The following SSH1 variants were observed in gnomAD, a reference collection of about 807,000 sequenced individuals.
SSH1 encodes the protein slingshot protein phosphatase 1, also known as protein phosphatase Slingshot homolog 1.
Under a neutral mutation model 79.7 loss-of-function variants are expected in SSH1, and 43 were observed. The ratio of observed to expected loss-of-function variants is 0.54; its 90% CI spans 0.42 to 0.70. The LOEUF is 0.70. SSH1 is among the 30% of genes least tolerant of loss of function. The pLI is 0.00. For synonymous variants in SSH1, 599 were observed against 538.3 expected (o/e 1.11, Z -1.56); for missense variants, 1,206 against 1,358.8 (o/e 0.89, Z 1.77).
At chr12:108,794,596 T>C (rs1468231951) in intron 13 of SSH1, among the ~76,000 whole-genome samples, 1 of 152,210 alleles carries the variant, frequency 6.6e-6, no homozygotes, top group African/African-American at 2.4e-5. Context: ...AAGGTAAACT[T>C]GTTTAGCACT....
At chr12:108,852,061 A>G (rs1395452040) in intron 2 of SSH1, among the ~76,000 whole-genome samples, 2 of 152,144 alleles carry the variant, frequency 1.3e-5, no homozygotes, top group African/African-American at 4.8e-5. Flanking sequence ...ATAATAAGTT[A>G]CCAAAAAATG....
chr12:108,852,665 C>T lies in SSH1; in HGVS notation c.83G>A (p.Ser28Asn), dbSNP rs2039067060. The T allele has an allele frequency of 1.9e-6, 3 of 1,614,206 alleles. No homozygotes were observed. Among genetic ancestry groups the T allele is most frequent in the Non-Finnish European group, 2.5e-6 (3 of 1,180,052 alleles). The change falls in exon 2 of 15, where the codon AGC becomes AAC. Residue 28 changes from serine (S) to asparagine (N), a missense_variant. Transcript: ENST00000326495. ...SASNSELEAG[S>N]EEDRKLNLSL... ...GAGGTTTAATTTTCGATCTTCTTCGCTGCCAGCCTCCAACTACAGAGAAAG... is the reference window on the plus strand; with the variant it reads ...GAGGTTTAATTTTCGATCTTCTTCGTTGCCAGCCTCCAACTACAGAGAAAG...
At position 108,857,370 on chromosome 12, in the gene SSH1, G is replaced by C. The variant is rs2039165841; in HGVS notation, c.69+58C>G. 2.1e-6 allele frequency: 2 copies of C among 952,000 alleles called. No individual in the cohort carries two copies. The highest frequency in any genetic ancestry group is 6.3e-5 in the Admixed American group (1 of 15,912). The allele number at this position is 952,000 out of a possible 1,614,324, so 59.0% of individuals were successfully genotyped here. A position where few individuals can be genotyped will look rare whatever the true frequency, so the allele number is the denominator to read the frequency against. On this transcript the variant is annotated intron_variant, in intron 1 of 14. Coordinates refer to ENST00000326495, the MANE Select transcript of SSH1 (RefSeq NM_018984.4). The surrounding 1 kb of genome is among the most constrained non-coding windows in gnomAD (Gnocchi z 4.7). ...GCCCCGCACGCGCGGCCCCAGCTCC[G>C]GCGGCCTCGGCGCGGCGTCCGGCGG...
At chr12:108,803,850 T>C (rs1293617253) in intron 10 of SSH1, among the ~76,000 whole-genome samples, 1 of 152,208 alleles carries the variant, frequency 6.6e-6, no homozygotes, top group East Asian at 1.9e-4. Flanking sequence ...CTATATAGAT[T>C]TGTATACAGA....
intron 14 of SSH1, among the ~76,000 whole-genome samples, chr12:108,789,524 A>C (rs1008269085): frequency 1.3e-5 from 2 of 152,150 alleles, no homozygotes; most frequent in African/African-American, 4.8e-5. Flanking sequence ...ATCTAAGTGA[A>C]CGTGACACAT....
chr12:108,849,588 A>C (rs1405312012), intron 2 of SSH1, among the ~76,000 whole-genome samples: 1 of 152,004 alleles, frequency 6.6e-6, no homozygotes, highest in African/African-American at 2.4e-5. Flanking sequence ...ATTTTAAAAA[A>C]GGTTAAATAC....
chr12:108,811,894 T>G (rs570682281), intron 5 of SSH1, among the ~76,000 whole-genome samples: 1 of 152,292 alleles, frequency 6.6e-6, no homozygotes, highest in East Asian at 1.9e-4. Flanking sequence ...GTCCTCAGAT[T>G]ATGATGAAAA....
In SSH1 at chr12:108,807,688, C is replaced by T. The variant is rs1305860908; in HGVS notation, c.676G>A (p.Ala226Thr). The change falls in exon 8 of 15, where the codon GCC becomes ACC. Residue 226 changes from alanine to threonine, a missense_variant. Transcript: ENST00000326495. This position sits in a 1 kb window ranked among gnomAD's most constrained non-coding sequence, Gnocchi z 5.2. ...CGCGTAGACTCCAGGTCCTGCATGGCGTTCCACTCGTTGATGCAGCTCTGC... is the reference window on the plus strand; with the variant it reads ...CGCGTAGACTCCAGGTCCTGCATGGTGTTCCACTCGTTGATGCAGCTCTGC... ...SEQSCINEWN[A>T]MQDLESTRPD... 10 of 1,613,166 alleles carry T rather than the reference C, an allele frequency of 6.2e-6. No individual in the cohort carries two copies. Among genetic ancestry groups the T allele is most frequent in the South Asian group, 2.2e-5 (2 of 91,026 alleles).
At chr12:108,849,612 C>T (rs948222489) in intron 2 of SSH1, among the ~76,000 whole-genome samples, 7 of 151,464 alleles carry the variant, frequency 4.6e-5, no homozygotes, top group Non-Finnish European at 8.8e-5. Flanking sequence ...TGAGAAAGGT[C>T]CACATACAAA....
chr12:108,835,644 C>A lies in SSH1; in HGVS notation c.111-12283G>T, dbSNP rs2038584579. On this transcript the variant is annotated intron_variant, in intron 2 of 14. Coordinates refer to ENST00000326495, the MANE Select transcript of SSH1 (RefSeq NM_018984.4). The stretch of plus-strand genomic sequence containing the variant: ...CACTTCTCCTCCCAACAATTCAGAC[C>A]TAAAAACCATTTGGCGGGGAAGGGC... Among the ~76,000 whole-genome samples the A allele has an allele frequency of 2.4e-5, 3 of 123,328 alleles. No individual in the cohort carries two copies. The South Asian group carries it at 7.3e-4, about 30-fold the overall frequency. The allele number at this position is 123,328 out of a possible 152,430, so 80.9% of individuals were successfully genotyped here.
chr12:108,823,308 C>G lies in SSH1; in HGVS notation c.164G>C (p.Gly55Ala). Residue 55 changes from glycine to alanine, a missense_variant, in exon 3 of 15, where the codon GGA (glycine) becomes GCA (alanine). Physicochemically the swap from Gly to Ala is moderately conservative, Grantham distance 60 (BLOSUM62 0). This residue lies in a region of SSH1 where 100 missense variants were observed against 82.3 expected (regional missense o/e 1.21). Coordinates refer to ENST00000326495, the MANE Select transcript of SSH1 (RefSeq NM_018984.4). ...ACTCCGCTGGCCTTGAGGGCTGCTT[C>G]CCTGTTGTAAGAAGAGGGCTGCGCC... ...VKGAALFLQQ[G>A]SSPQGQRSLQ... 1.3e-6 allele frequency: 2 copies of G among 1,589,476 alleles called. No individual in the cohort carries two copies. The highest frequency in any genetic ancestry group is 8.6e-7 in the Non-Finnish European group (1 of 1,166,852).
chr12:108,804,088 T>TA (rs746650847), intron 10 of SSH1, among the ~76,000 whole-genome samples: 10 of 152,004 alleles, frequency 6.6e-5, no homozygotes, highest in African/African-American at 9.7e-5. Context: ...TTTATTTTAT[T>TA]AAAAAAAATA....
At chr12:108,811,229 G>A (rs761264493) in intron 6 of SSH1, 31 bp downstream of exon 6, 16 of 1,606,812 alleles carry the variant, frequency 1.0e-5, no homozygotes, top group Middle Eastern at 1.6e-4. Flanking sequence ...ACTACATACA[G>A]TGAGAGAATC....
chr12:108,780,315 C>T lies in SSH1; in HGVS notation c.*7673G>A, dbSNP rs1235409920. 1 of 152,190 alleles carries T rather than the reference C, an allele frequency of 6.6e-6. No individual in the cohort carries two copies. The highest frequency in any genetic ancestry group is 6.5e-5 in the Admixed American group (1 of 15,272). The allele number at this position is 152,190 out of a possible 1,614,324, so 9.4% of individuals were successfully genotyped here. A position where few individuals can be genotyped will look rare whatever the true frequency, so the allele number is the denominator to read the frequency against. On this transcript the variant is annotated 3_prime_UTR_variant, in exon 15 of 15. Coordinates refer to ENST00000326495, the MANE Select transcript of SSH1 (RefSeq NM_018984.4). ...CTCCACTGTAGATGTGATCTGGGATCGTGCCCAACCGCGAGACAGTTACTC... is the reference window on the plus strand; with the variant it reads ...CTCCACTGTAGATGTGATCTGGGATTGTGCCCAACCGCGAGACAGTTACTC...
rs573607871 is a variant in SSH1, at chr12:108,853,737, A to C, written c.70-1059T>G. ...TCAGGAGTTCGAGACCAGCCTAGCCAACAAGGTGACACGCTGTCTCTACTA... is the reference window on the plus strand; with the variant it reads ...TCAGGAGTTCGAGACCAGCCTAGCCCACAAGGTGACACGCTGTCTCTACTA... On this transcript the variant is annotated intron_variant, in intron 1 of 14. Coordinates refer to ENST00000326495, the MANE Select transcript of SSH1 (RefSeq NM_018984.4). Among the ~76,000 whole-genome samples the C allele has an allele frequency of 3.9e-5, 6 of 152,278 alleles. No homozygotes were observed. The South Asian group carries it at 1.2e-3, about 32-fold the overall frequency.
chr12:108,812,497 CG>C (rs748070344), intron 5 of SSH1, among the ~76,000 whole-genome samples: 17 of 152,194 alleles, frequency 1.1e-4, no homozygotes, highest in Admixed American at 7.9e-4. Flanking sequence ...GAGCACAGGA[CG>C]GGGGCAGGGC....
chr12:108,849,566 T>A (rs2038971562), intron 2 of SSH1, among the ~76,000 whole-genome samples: 1 of 151,760 alleles, frequency 6.6e-6, no homozygotes, highest in Non-Finnish European at 1.5e-5. Context: ...AAAATAAAAA[T>A]AAAAAGTTTT....
rs1288782031 is a variant in SSH1, at chr12:108,786,020, C to T, written c.*1968G>A. The T allele has an allele frequency of 6.6e-6, 1 of 152,190 alleles. No homozygotes were observed. Among genetic ancestry groups the T allele is most frequent in the Non-Finnish European group, 1.5e-5 (1 of 68,034 alleles). 9.4% of individuals were successfully genotyped at this position (152,190 alleles called of 1,614,324 possible). A position where few individuals can be genotyped will look rare whatever the true frequency, so the allele number is the denominator to read the frequency against. On this transcript the variant is annotated 3_prime_UTR_variant, in exon 15 of 15. Transcript: ENST00000326495. ...AATGTATGTATTTTTAAAAATCACT[C>T]CAAGGAGACAAAGTCCTGGAGGGAG...
intron 12 of SSH1, among the ~76,000 whole-genome samples, chr12:108,799,422 C>T (rs1290085364): frequency 2.0e-5 from 3 of 152,186 alleles, no homozygotes; most frequent in African/African-American, 7.2e-5. Context: ...AATTAGCACA[C>T]AATGGGATAT....
Sources: allele counts gnomAD v4.1 joint callset (sites outside exome capture counted in the v4.1 genomes callset), GRCh38; gene constraint gnomAD v4.1.1; regional missense constraint gnomAD v4.1.1; non-coding constraint Gnocchi (gnomAD v3.1); transcripts MANE v1.5; gene names NCBI Gene and HGNC (gene_info 2026-07-23, HGNC 2026-07-21).